The following LIMK1 variants were observed in gnomAD, a reference collection of about 807,000 sequenced individuals.
LIMK1 encodes the protein LIM domain kinase 1.
A neutral mutation model predicts 77.6 loss-of-function variants in LIMK1; 21 were observed. The observed-to-expected ratio is 0.27, with a 90% confidence interval of 0.19 to 0.39. The LOEUF (loss-of-function observed/expected upper bound fraction) is 0.39, where lower values mean the gene tolerates loss of function less well. Ranked by LOEUF, LIMK1 falls within the 10% of genes least tolerant of loss-of-function variation. The probability of loss-of-function intolerance (pLI) is 1.00; values close to 1 mark genes in which losing one functional copy is unlikely to be tolerated. For missense variants in LIMK1, 696 were observed against 901.6 expected (o/e 0.77, Z 2.92); for synonymous variants, 358 against 370.0 (o/e 0.97, Z 0.37).
intron 12 of LIMK1, among the ~76,000 whole-genome samples, chr7:74,114,622 A>C (rs1310071126): frequency 6.6e-6 from 1 of 151,786 alleles, no homozygotes; most frequent in Non-Finnish European, 1.5e-5. Context: ...GGGAATATTC[A>C]AGATAAAATT....
rs1799937920 is a variant in LIMK1, at chr7:74,121,435, T to C, written c.*134T>C. On this transcript the variant is annotated 3_prime_UTR_variant, in exon 16 of 16. Coordinates refer to ENST00000336180, the MANE Select transcript of LIMK1 (RefSeq NM_002314.4). Reference sequence around the variant, plus strand: ...CTCAGAGCCAGGCCCTGACTTGCCTTCTCCCACCCCGTGGACCGCTTCCCC... The same window carrying C: ...CTCAGAGCCAGGCCCTGACTTGCCTCCTCCCACCCCGTGGACCGCTTCCCC... 3.2e-6 allele frequency: 3 copies of C among 930,484 alleles called. No homozygotes were observed. The highest frequency in any genetic ancestry group is 2.9e-5 in the Admixed American group (1 of 34,152). The allele number at this position is 930,484 out of a possible 1,614,324, so 57.6% of individuals were successfully genotyped here.
chr7:74,120,502 C>T (rs1799909210), intron 13 of LIMK1, 81 bp from the exon 14 acceptor site: 1 of 1,502,150 alleles, frequency 6.7e-7, no homozygotes, highest in Non-Finnish European at 9.3e-7. Flanking sequence ...GGGCATCCTC[C>T]CAGCTGGCCT....
At chr7:74,089,880 T>G in intron 2 of LIMK1, among the ~76,000 whole-genome samples, 1 of 151,268 alleles carries the variant, frequency 6.6e-6, no homozygotes, top group East Asian at 1.9e-4. Flanking sequence ...GTGTCTGCGG[T>G]GAGGGGGGAG....
chr7:74,107,854 C>G lies in LIMK1; in HGVS notation c.1066-17C>G. On this transcript the variant is annotated splice_polypyrimidine_tract_variant and intron_variant, in intron 8 of 15. Coordinates refer to ENST00000336180, the MANE Select transcript of LIMK1 (RefSeq NM_002314.4). ...CAGCAGAGCTTCTGTCTTCACACCT[C>G]TGTGTCCCACACGCAGGTGACACAC... 6.4e-7 allele frequency: 1 copy of G among 1,552,620 alleles called. No homozygotes were observed. Among genetic ancestry groups the G allele is most frequent in the Non-Finnish European group, 8.7e-7 (1 of 1,145,622 alleles).
intron 14 of LIMK1, 111 bp downstream of exon 14, chr7:74,120,749 C>A: frequency 6.5e-7 from 1 of 1,539,292 alleles, no homozygotes; most frequent in Non-Finnish European, 9.0e-7. Flanking sequence ...CTGCCCACAG[C>A]AAGGCATGGG....
At chr7:74,108,306 C>G (rs1322311164) in intron 9 of LIMK1, among the ~76,000 whole-genome samples, 2 of 151,810 alleles carry the variant, frequency 1.3e-5, no homozygotes, top group African/African-American at 4.8e-5. Context: ...CCACTGCACT[C>G]CAGCCTGGGG....
At chr7:74,088,264 G>C (rs1554694301) in intron 2 of LIMK1, among the ~76,000 whole-genome samples, 2 of 152,196 alleles carry the variant, frequency 1.3e-5, no homozygotes, top group Admixed American at 6.5e-5. Flanking sequence ...AACACACTCA[G>C]TGTGGCTGAA....
At chr7:74,100,737 CTCTT>C (rs1367075651) in intron 5 of LIMK1, among the ~76,000 whole-genome samples, 1 of 138,022 alleles carries the variant, frequency 7.2e-6, no homozygotes, top group Non-Finnish European at 1.6e-5. Context: ...CTTTCTCTCT[CTCTT>C]TTTTTTTTTT....
intron 2 of LIMK1, among the ~76,000 whole-genome samples, chr7:74,089,352 A>T (rs1799195244): frequency 6.6e-6 from 1 of 152,146 alleles, no homozygotes; most frequent in South Asian, 2.1e-4. Flanking sequence ...CTACAAAAAA[A>T]TTAGCTGAGC....
At position 74,121,456 on chromosome 7, in the gene LIMK1, TC is replaced by T; in HGVS notation, c.*159del. Reference sequence around the variant, plus strand: ...GCCTTCTCCCACCCCGTGGACCGCTTCCCCTGCCTTCTCTCTGCCGTGGCCC... The same window carrying T: ...GCCTTCTCCCACCCCGTGGACCGCTTCCCTGCCTTCTCTCTGCCGTGGCCC... On this transcript the variant is annotated 3_prime_UTR_variant, in exon 16 of 16. Coordinates refer to ENST00000336180, the MANE Select transcript of LIMK1 (RefSeq NM_002314.4). The T allele has an allele frequency of 1.4e-6, 1 of 714,560 alleles. No individual in the cohort carries two copies. Among genetic ancestry groups the T allele is most frequent in the Non-Finnish European group, 2.2e-6 (1 of 447,604 alleles). The allele number at this position is 714,560 out of a possible 1,614,324, so 44.3% of individuals were successfully genotyped here.
chr7:74,110,442 G>A (rs782465407), intron 10 of LIMK1: 7 of 152,214 alleles, frequency 4.6e-5, no homozygotes, highest in Admixed American at 1.3e-4. Context: ...CTGCCACTGC[G>A]CAGGTGACCT....
chr7:74,120,982 C>T lies in LIMK1; in HGVS notation c.1714C>T (p.Pro572Ser). ...NVRGFLDRYCPPNCPPSFFPI... is the reference protein window; with the variant it reads ...NVRGFLDRYCSPNCPPSFFPI... ...GCGAGGATTCCTGGACCGCTACTGCCCCCCAAACTGCCCCCCGAGCTTCTT... is the reference window on the plus strand; with the variant it reads ...GCGAGGATTCCTGGACCGCTACTGCTCCCCAAACTGCCCCCCGAGCTTCTT... Residue 572 changes from proline (P) to serine (S), a missense_variant, in exon 15 of 16, where the codon CCC becomes TCC. By Grantham distance (74) the Pro-to-Ser change is moderately conservative. This residue lies in a region of LIMK1 where 438 missense variants were observed against 602.3 expected (regional missense o/e 0.73). Coordinates refer to ENST00000336180, the MANE Select transcript of LIMK1 (RefSeq NM_002314.4). The T allele has an allele frequency of 1.9e-6, 3 of 1,608,930 alleles. No homozygotes were observed. Among genetic ancestry groups the T allele is most frequent in the East Asian group, 2.3e-5 (1 of 44,218 alleles).
In LIMK1 at chr7:74,099,185, G is replaced by A. The variant is rs782103354; in HGVS notation, c.555G>A (p.Pro185=). The A allele has an allele frequency of 2.2e-5, 35 of 1,611,452 alleles. No individual in the cohort carries two copies. The highest frequency in any genetic ancestry group is 6.7e-5 in the Admixed American group (4 of 59,986). The change falls in exon 5 of 16, where the codon CCG becomes CCA. Residue 185 remains proline, a synonymous_variant. Coordinates refer to ENST00000336180, the MANE Select transcript of LIMK1 (RefSeq NM_002314.4). The part of the protein sequence containing the change: ...KRGLSVSIDP[P]HGPPGCGTEH... Reference sequence around the variant, plus strand: ...GACTTTCAGTCTCCATTGACCCCCCGCACGGCCCACCGGGCTGTGGCACCG... The same window carrying A: ...GACTTTCAGTCTCCATTGACCCCCCACACGGCCCACCGGGCTGTGGCACCG...
At chr7:74,093,428 C>T (rs1464142629) in intron 2 of LIMK1, 33 of 1,159,968 alleles carry the variant, frequency 2.8e-5, no homozygotes, top group Non-Finnish European at 3.0e-5. Context: ...TGGTTACTGT[C>T]GGCTGCAGCC....
At chr7:74,111,363 C>T (rs990529739) in intron 10 of LIMK1, 8 of 406,400 alleles carry the variant, frequency 2.0e-5, no homozygotes, top group South Asian at 9.2e-5. Flanking sequence ...ACTTGAGCCC[C>T]GGAGGCGAAG....
rs782726695 is a variant in LIMK1, at chr7:74,121,200, C to T, written c.1843C>T (p.Leu615=). Reference sequence around the variant, plus strand: ...CCTCCGCATGCACCTGGCCGGCCACCTGCCACTGGGCCCACAGCTGGAGCA... The same window carrying T: ...CCTCCGCATGCACCTGGCCGGCCACTTGCCACTGGGCCCACAGCTGGAGCA... ...ETLRMHLAGH[L]PLGPQLEQLD... is the part of the protein sequence containing the mutation. The change falls in exon 16 of 16, where the codon CTG becomes TTG. Residue 615 remains leucine (L), a synonymous_variant. Coordinates refer to ENST00000336180, the MANE Select transcript of LIMK1 (RefSeq NM_002314.4). The T allele has an allele frequency of 6.2e-7, 1 of 1,613,784 alleles. No homozygotes were observed. Among genetic ancestry groups the T allele is most frequent in the Admixed American group, 1.7e-5 (1 of 59,982 alleles).
Position 74,097,169 on chromosome 7 carries a change from G to T in LIMK1, c.381G>T (p.Val127=). 1 of 1,611,658 alleles carries T rather than the reference G, an allele frequency of 6.2e-7. No homozygotes were observed. The highest frequency in any genetic ancestry group is 2.2e-5 in the East Asian group (1 of 44,866). Residue 127 remains valine (V), a synonymous_variant, in exon 4 of 16, where the codon GTG becomes GTT. Coordinates refer to ENST00000336180, the MANE Select transcript of LIMK1 (RefSeq NM_002314.4). ...GTGACGGGGACACCTACACGCTGGT[G>T]GAGCACTCCAAGCTGTACTGGTGAG... ...FIGDGDTYTL[V]EHSKLYCGHC... is the part of the protein sequence containing the mutation.
At chr7:74,090,408 A>G (rs918271121) in intron 2 of LIMK1, among the ~76,000 whole-genome samples, 1 of 150,774 alleles carries the variant, frequency 6.6e-6, no homozygotes, top group African/African-American at 2.4e-5. Flanking sequence ...GGAAAGATCC[A>G]CTAGAAGTAA....
chr7:74,121,017 C>T lies in LIMK1; in HGVS notation c.1749C>T (p.Thr583=), dbSNP rs55722104. The T allele has an allele frequency of 1.4e-4, 233 of 1,607,578 alleles. No individual in the cohort carries two copies. Among genetic ancestry groups the T allele is most frequent in the Middle Eastern group, 6.6e-4 (4 of 6,018 alleles). The change falls in exon 15 of 16, where the codon ACC becomes ACT. Residue 583 remains threonine, a synonymous_variant. Coordinates refer to ENST00000336180, the MANE Select transcript of LIMK1 (RefSeq NM_002314.4). ...GCCCCCCGAGCTTCTTCCCCATCACCGTGCGCTGTTGCGATCTGGACCCCG... is the reference window on the plus strand; with the variant it reads ...GCCCCCCGAGCTTCTTCCCCATCACTGTGCGCTGTTGCGATCTGGACCCCG... The part of the protein sequence containing the change: ...PNCPPSFFPI[T]VRCCDLDPEK...
Sources: gnomAD v4.1 joint callset for allele counts (sites outside exome capture counted in the v4.1 genomes callset) on GRCh38, gnomAD v4.1.1 for gene constraint, gnomAD v4.1.1 regional missense constraint, MANE v1.5 for transcripts, NCBI Gene and HGNC (gene_info 2026-07-23, HGNC 2026-07-21) for gene names.